The following ZFHX3 variants were observed in gnomAD, a reference collection of about 807,000 sequenced individuals.
ZFHX3 encodes the protein zinc finger homeobox 3, also known as zinc finger homeobox protein 3.
ZFHX3 carries 42 observed loss-of-function variants against 279.1 expected under a neutral mutation model. That is an observed-to-expected ratio of 0.15 (90% CI 0.12 to 0.19). The LOEUF (loss-of-function observed/expected upper bound fraction) is 0.19. ZFHX3 is among the 10% of genes least tolerant of loss of function. The probability of loss-of-function intolerance (pLI) is 1.00; values close to 1 mark genes in which losing one functional copy is unlikely to be tolerated. For synonymous variants in ZFHX3, 2,293 were observed against 1,957.8 expected, an observed-to-expected ratio of 1.17 and a Z score of -4.52; for missense variants, 4,981 against 4,754.0, an observed-to-expected ratio of 1.05 and a Z score of -1.40.
chr16:73,591,692 C>CAAAAAAAAAAAAAAAAAA (rs57402211), intron 2 of ZFHX3, among the ~76,000 whole-genome samples: 15 of 33,438 alleles, frequency 4.5e-4, no homozygotes, highest in East Asian at 1.3e-3. Flanking sequence ...GACTCTGTCT[C>CAAAAAAAAAAAAAAAAAA]AAAAAAAAAA....
intron 1 of ZFHX3, among the ~76,000 whole-genome samples, chr16:73,865,038 T>C (rs1961976167): frequency 6.6e-6 from 1 of 152,230 alleles, no homozygotes; most frequent in South Asian, 2.1e-4. Context: ...TCTGACATCA[T>C]GTCAACAAGC....
chr16:72,971,910 G>A (rs1350664097), intron 1 of ZFHX3, among the ~76,000 whole-genome samples: 1 of 131,142 alleles, frequency 7.6e-6, no homozygotes, highest in Non-Finnish European at 1.6e-5. Context: ...TTTTGAGACG[G>A]AGTTTCACCC....
intron 1 of ZFHX3, among the ~76,000 whole-genome samples, chr16:72,999,575 G>A (rs910601566): frequency 1.3e-5 from 2 of 152,182 alleles, no homozygotes; most frequent in Admixed American, 6.5e-5. Flanking sequence ...CACAGCAACC[G>A]CTAACCAGAA....
intron 3 of ZFHX3, among the ~76,000 whole-genome samples, chr16:72,917,307 G>A (rs552978588): frequency 4.5e-4 from 68 of 152,184 alleles, no homozygotes; most frequent in African/African-American, 1.5e-3. Context: ...GTAAAATTTC[G>A]AAACTTTGGA....
intron 7 of ZFHX3, among the ~76,000 whole-genome samples, chr16:72,803,512 T>TAAC (rs2036174578): frequency 6.6e-6 from 1 of 152,164 alleles, no homozygotes; most frequent in Admixed American, 6.5e-5. Context: ...CTACCACCAA[T>TAAC]TTTCCTGCAG....
rs111432714 is a variant in ZFHX3, at chr16:73,250,700, A to ATT, written c.-1104+6345_-1104+6346dup. On this transcript the variant is annotated intron_variant, in intron 5 of 17. Coordinates refer to the ZFHX3 transcript ENST00000641206. The stretch of plus-strand genomic sequence containing the variant: ...AGGTGCCCGCCACCACGTCTGGCTA[A>ATT]TTTTTTTGTATTTTTAGTAGAGACG... Among the ~76,000 whole-genome samples the ATT allele has an allele frequency of 4.4e-3, 662 of 151,598 alleles. 3 individuals are homozygous for ATT. The highest frequency in any genetic ancestry group is 0.021 in the Middle Eastern group (6 of 292).
intron 7 of ZFHX3, among the ~76,000 whole-genome samples, chr16:73,094,061 A>AC (rs530590894): frequency 3.2e-4 from 48 of 151,322 alleles, no homozygotes; most frequent in African/African-American, 8.2e-4. Flanking sequence ...TTGAGTGTGG[A>AC]CCCCCCCAAC....
chr16:73,721,173 A>G (rs2053470011), intron 1 of ZFHX3, among the ~76,000 whole-genome samples: 2 of 151,666 alleles, frequency 1.3e-5, no homozygotes. Context: ...CCAGGCTGGC[A>G]TGCAGTGGCG....
intron 1 of ZFHX3, among the ~76,000 whole-genome samples, chr16:73,056,227 A>G (rs1237175171): frequency 6.6e-6 from 1 of 152,196 alleles, no homozygotes; most frequent in Non-Finnish European, 1.5e-5. Flanking sequence ...ATCTCCAAAT[A>G]TGGATTCACC....
chr16:73,556,953 G>C (rs2020293634), intron 2 of ZFHX3, among the ~76,000 whole-genome samples: 1 of 151,856 alleles, frequency 6.6e-6, no homozygotes. Flanking sequence ...AAATTAGCTG[G>C]GCATGGTGGT....
chr16:72,889,614 G>T (rs2038719438), intron 4 of ZFHX3, 117 bp downstream of exon 4: 4 of 949,072 alleles, frequency 4.2e-6, no homozygotes, highest in South Asian at 1.7e-5. Context: ...AGTCAGTAAG[G>T]AACATGAGGA....
chr16:73,428,451 C>T (rs773241053), intron 3 of ZFHX3, among the ~76,000 whole-genome samples: 5 of 152,110 alleles, frequency 3.3e-5, no homozygotes, highest in South Asian at 2.1e-4. Flanking sequence ...CACCTCCCCG[C>T]GCTCCCTCGA....
At chr16:73,731,073 G>A (rs183566723) in intron 1 of ZFHX3, among the ~76,000 whole-genome samples, 1 of 152,206 alleles carries the variant, frequency 6.6e-6, no homozygotes, top group Non-Finnish European at 1.5e-5. Context: ...TTCTTTGCTA[G>A]ATTAAACTTG....
chr16:72,954,137 A>C (rs1486723564), intron 2 of ZFHX3, among the ~76,000 whole-genome samples: 1 of 152,190 alleles, frequency 6.6e-6, no homozygotes, highest in Admixed American at 6.5e-5. Context: ...TGGGAGGCCA[A>C]GGTGGGCAGA....
intron 3 of ZFHX3, among the ~76,000 whole-genome samples, chr16:73,324,854 G>A (rs1335641828): frequency 6.6e-6 from 1 of 152,156 alleles, no homozygotes; most frequent in Non-Finnish European, 1.5e-5. Context: ...GAGAATAATC[G>A]TGCCTCCTGA....
intron 3 of ZFHX3, among the ~76,000 whole-genome samples, chr16:73,345,783 T>C (rs534176088): frequency 6.6e-6 from 1 of 152,254 alleles, no homozygotes; most frequent in East Asian, 1.9e-4. Flanking sequence ...GAGACCCAGC[T>C]ATTTTCAATA....
chr16:73,701,822 A>T (rs936060352), intron 1 of ZFHX3, among the ~76,000 whole-genome samples: 1 of 152,154 alleles, frequency 6.6e-6, no homozygotes, highest in Non-Finnish European at 1.5e-5. Flanking sequence ...GGTAATTATT[A>T]TTCAAAAGAT....
At chr16:72,879,472 T>C (rs933773379) in intron 4 of ZFHX3, among the ~76,000 whole-genome samples, 7 of 152,130 alleles carry the variant, frequency 4.6e-5, no homozygotes, top group African/African-American at 1.7e-4. Context: ...GTCGCCCAGG[T>C]TGAAGTGCAA....
intron 1 of ZFHX3, among the ~76,000 whole-genome samples, chr16:73,837,070 A>C (rs1307681976): frequency 6.6e-6 from 1 of 152,204 alleles, no homozygotes; most frequent in Non-Finnish European, 1.5e-5. Context: ...TTTAGAAATT[A>C]CCTAGTCTCT....
Sources: gnomAD v4.1 joint callset for allele counts (sites outside exome capture counted in the v4.1 genomes callset) on GRCh38, gnomAD v4.1.1 for gene constraint, MANE v1.5 for transcripts, NCBI Gene and HGNC (gene_info 2026-07-23, HGNC 2026-07-21) for gene names.